PPAT: variants seen among roughly 807,000 people sequenced by gnomAD.
The protein encoded by PPAT is amidophosphoribosyltransferase.
PPAT carries 20 observed loss-of-function variants against 60.2 expected under a neutral mutation model. That is an observed-to-expected ratio of 0.33 (90% CI 0.23 to 0.48). PPAT has a LOEUF of 0.48. Among genes scored for constraint, PPAT ranks in the 20% least tolerant of loss-of-function variants. The probability of loss-of-function intolerance (pLI) is 0.99; values close to 1 mark genes in which losing one functional copy is unlikely to be tolerated. For missense variants in PPAT, 349 were observed against 629.6 expected (o/e 0.55, Z 4.77); for synonymous variants, 194 against 215.1 (o/e 0.90, Z 0.86).
At position 56,396,580 on chromosome 4, in the gene PPAT, C is replaced by CT. The variant is rs1162282620; in HGVS notation, c.1357+38dup. ...AAGACTGTCAAGCTTTGGATTTTCT[C>CT]TGTTAATAATCAAAGTTTATAGAAA... On this transcript the variant is annotated intron_variant, in intron 10 of 10. Coordinates refer to ENST00000264220, the MANE Select transcript of PPAT (RefSeq NM_002703.5). The surrounding 1 kb of genome is among the most constrained non-coding windows in gnomAD (Gnocchi z 4.6). 6.4e-7 allele frequency: 1 copy of CT among 1,553,726 alleles called. No individual in the cohort carries two copies. The highest frequency in any genetic ancestry group is 1.1e-5 in the South Asian group (1 of 87,106).
At chr4:56,410,684 A>AGT (rs1716407370) in intron 1 of PPAT, 33 of 986,526 alleles carry the variant, frequency 3.3e-5, no homozygotes, top group Non-Finnish European at 3.9e-5. Flanking sequence ...CAGAGACTGG[A>AGT]AACAGTGCTG....
chr4:56,434,813 G>C (rs1263224168), intron 1 of PPAT, among the ~76,000 whole-genome samples: 2 of 152,194 alleles, frequency 1.3e-5, no homozygotes, highest in African/African-American at 4.8e-5. Context: ...CTGAAGTCTA[G>C]CATCCTCAAG....
chr4:56,406,796 AAAG>A, intron 2 of PPAT, 95 bp from the exon 3 acceptor site: 6 of 830,914 alleles, frequency 7.2e-6, no homozygotes, highest in South Asian at 6.7e-5. Flanking sequence ...CAAATAAGAC[AAAG>A]AAGTACATTT....
chr4:56,413,765 TG>T (rs1430270977), intron 1 of PPAT, among the ~76,000 whole-genome samples: 3 of 151,854 alleles, frequency 2.0e-5, no homozygotes, highest in Admixed American at 6.6e-5. Flanking sequence ...GGCTTGGTGG[TG>T]GGCACCTGTA....
chr4:56,407,468 G>A (rs555488758), intron 2 of PPAT, among the ~76,000 whole-genome samples, 182 bp downstream of exon 2: 8 of 152,070 alleles, frequency 5.3e-5, no homozygotes, highest in African/African-American at 9.6e-5. Context: ...ACAGGCATGC[G>A]CCACCACGCC....
chr4:56,400,954 T>C (rs749989860), intron 7 of PPAT, 43 bp from the exon 8 acceptor site: 9 of 1,565,752 alleles, frequency 5.7e-6, no homozygotes, highest in Non-Finnish European at 7.0e-6. Flanking sequence ...TTACTTAGCA[T>C]GATATAACAG....
intron 3 of PPAT, 101 bp downstream of exon 3, chr4:56,406,394 C>T: frequency 8.1e-7 from 1 of 1,236,916 alleles, no homozygotes. Context: ...TAACAGGTAG[C>T]AACAATTAGA....
chr4:56,417,842 GTT>G (rs35004501), intron 1 of PPAT, among the ~76,000 whole-genome samples: 11,241 of 136,012 alleles, frequency 0.083, 539 homozygotes, highest in East Asian at 0.25. Context: ...TTGGTTTTTT[GTT>G]TTTTTTTTTT....
At chr4:56,409,901 AAT>A (rs944618544) in intron 1 of PPAT, among the ~76,000 whole-genome samples, 1 of 152,228 alleles carries the variant, frequency 6.6e-6, no homozygotes, top group African/African-American at 2.4e-5. Context: ...GACAACATTA[AAT>A]ATGTTGCCAA....
rs188618442 is a variant in PPAT at position 56,405,204 on chromosome 4, A to T, written c.402+1291T>A. 2.0e-5 allele frequency among the ~76,000 whole-genome samples: 3 copies of T among 152,308 alleles called. No individual in the cohort carries two copies. The East Asian group carries it at 5.8e-4, about 29-fold the overall frequency. On this transcript the variant is annotated intron_variant, in intron 3 of 10. Transcript: ENST00000264220. ...CATGCTGTGAACCAAGAGTTTAAGTAAACAGTCTCCGTCCCTTTTCCCATA... is the reference window on the plus strand; with the variant it reads ...CATGCTGTGAACCAAGAGTTTAAGTTAACAGTCTCCGTCCCTTTTCCCATA...
intron 1 of PPAT, among the ~76,000 whole-genome samples, chr4:56,414,888 A>G (rs1716642667): frequency 6.6e-6 from 1 of 152,228 alleles, no homozygotes; most frequent in Admixed American, 6.5e-5. Flanking sequence ...ACAACATTTT[A>G]GCCTAAAGCA....
chr4:56,427,329 T>C (rs1717341603), intron 1 of PPAT, among the ~76,000 whole-genome samples: 1 of 152,216 alleles, frequency 6.6e-6, no homozygotes, highest in Non-Finnish European at 1.5e-5. Context: ...TGTATATGTT[T>C]TTATGTGAAC....
At chr4:56,408,632 T>C (rs1353004224) in intron 1 of PPAT, among the ~76,000 whole-genome samples, 1 of 150,784 alleles carries the variant, frequency 6.6e-6, no homozygotes, top group Non-Finnish European at 1.5e-5. Context: ...CGGGCGCCTG[T>C]CGTCCCAGCT....
chr4:56,413,926 C>T (rs939739153), intron 1 of PPAT, among the ~76,000 whole-genome samples: 4 of 152,064 alleles, frequency 2.6e-5, no homozygotes, highest in African/African-American at 9.7e-5. Flanking sequence ...AAATAATTAA[C>T]GACTTAGGCT....
Position 56,399,384 on chromosome 4 carries a change from A to C in PPAT, c.1031T>G (p.Val344Gly). Residue 344 changes from valine to glycine, a missense_variant, in exon 9 of 11, where the codon GTG (valine) becomes GGG (glycine). Around this residue, in one of 5 missense-constraint regions of PPAT, gnomAD observed 167 missense variants for 328.6 expected, o/e 0.51. Coordinates refer to ENST00000264220, the MANE Select transcript of PPAT (RefSeq NM_002703.5). ...AYAGKCGLPY[V>G]EVLCKNRYVG... ...ATACCGGTTTTTACACAGCACCTCCACATATGGAAGTCCACACTGATAGAG... is the reference window on the plus strand; with the variant it reads ...ATACCGGTTTTTACACAGCACCTCCCCATATGGAAGTCCACACTGATAGAG... The C allele has an allele frequency of 6.2e-7, 1 of 1,613,232 alleles. No individual in the cohort carries two copies. The highest frequency in any genetic ancestry group is 8.5e-7 in the Non-Finnish European group (1 of 1,179,220).
chr4:56,435,399 G>C lies in PPAT; in HGVS notation c.79C>G (p.Leu27Val). The change falls in exon 1 of 11, where the codon CTG becomes GTG. Residue 27 changes from leucine to valine, a missense_variant. Coordinates refer to ENST00000264220, the MANE Select transcript of PPAT (RefSeq NM_002703.5). ...AGAGTGATCACATGCGGTACATCCAGCTGCGTGGGCCACTCTCCTGAGGCG... is the reference window on the plus strand; with the variant it reads ...AGAGTGATCACATGCGGTACATCCACCTGCGTGGGCCACTCTCCTGAGGCG... ...CIASGEWPTQ[L>V]DVPHVITLGL... 6.2e-7 allele frequency: 1 copy of C among 1,613,778 alleles called. No homozygotes were observed. The highest frequency in any genetic ancestry group is 8.5e-7 in the Non-Finnish European group (1 of 1,179,818).
intron 8 of PPAT, 49 bp from the exon 9 acceptor site, chr4:56,399,449 G>A (rs1716059701): frequency 2.2e-6 from 3 of 1,355,714 alleles, no homozygotes. Context: ...TACAGAATAG[G>A]CAAATATTTT....
At chr4:56,405,714 T>C (rs1560639393) in intron 3 of PPAT, among the ~76,000 whole-genome samples, 2 of 152,252 alleles carry the variant, frequency 1.3e-5, no homozygotes, top group Non-Finnish European at 2.9e-5. Flanking sequence ...TCCACACTCG[T>C]TCCCACATAC....
intron 1 of PPAT, among the ~76,000 whole-genome samples, chr4:56,408,745 T>C (rs12650287): frequency 0.69 from 101,509 of 147,742 alleles, 35,010 homozygotes; most frequent in South Asian, 0.76. Context: ...CAGAGCGAGA[T>C]TCCGTTTCAA....
Sources: allele counts gnomAD v4.1 joint callset (sites outside exome capture counted in the v4.1 genomes callset), GRCh38; gene constraint gnomAD v4.1.1; regional missense constraint gnomAD v4.1.1; non-coding constraint Gnocchi (gnomAD v3.1); transcripts MANE v1.5; gene names NCBI Gene and HGNC (gene_info 2026-07-23, HGNC 2026-07-21).